Variants in NELL2 observed in about 807,000 individuals in gnomAD.
NELL2 encodes neural EGFL like 2.
NELL2 carries 41 observed loss-of-function variants against 109.6 expected under a neutral mutation model. The observed-to-expected ratio is 0.37, with a 90% CI of 0.29 to 0.49. The LOEUF (loss-of-function observed/expected upper bound fraction) is 0.49, where lower values mean the gene tolerates loss of function less well. NELL2 is among the 20% of genes least tolerant of loss of function. NELL2 has a pLI of 0.98. For synonymous variants in NELL2, 355 were observed against 344.7 expected (o/e 1.03, Z -0.33); for missense variants, 900 against 1,008.3 (o/e 0.89, Z 1.45).
Position 44,717,460 on chromosome 12 carries a change from C to A in NELL2, c.995-2719G>T, listed in dbSNP as rs1362409749. ...TTAGTAGGGCAGACAGACTCATACACAACTAACTCTAAGAGAAGTCAAACT... is the reference window on the plus strand; with the variant it reads ...TTAGTAGGGCAGACAGACTCATACAAAACTAACTCTAAGAGAAGTCAAACT... On this transcript the variant is annotated intron_variant, in intron 9 of 19. Transcript: ENST00000429094. Among the ~76,000 whole-genome samples the A allele has an allele frequency of 2.6e-5, 4 of 152,050 alleles. No individual in the cohort carries two copies. In the South Asian group the frequency reaches 8.3e-4, roughly 31 times the overall value.
chr12:44,758,635 A>G (rs764633526), intron 9 of NELL2, among the ~76,000 whole-genome samples: 1 of 152,198 alleles, frequency 6.6e-6, no homozygotes, highest in Non-Finnish European at 1.5e-5. Flanking sequence ...AGTGATGAAG[A>G]TACAGAGATA....
At chr12:44,654,739 TG>T (rs1205703404) in intron 13 of NELL2, among the ~76,000 whole-genome samples, 1 of 152,060 alleles carries the variant, frequency 6.6e-6, no homozygotes, top group Non-Finnish European at 1.5e-5. Context: ...TGACTTGTCA[TG>T]AATGTGACAC....
upstream of NELL2, among the ~76,000 whole-genome samples, chr12:44,878,040 A>C (rs1945368030): frequency 6.6e-6 from 1 of 152,246 alleles, no homozygotes; most frequent in Non-Finnish European, 1.5e-5. Context: ...TTAAAATGCT[A>C]TCATTAGAGA....
At chr12:44,564,899 T>C (rs1209405682) in intron 15 of NELL2, among the ~76,000 whole-genome samples, 2 of 152,192 alleles carry the variant, frequency 1.3e-5, no homozygotes, top group African/African-American at 2.4e-5. Flanking sequence ...CATGCACATT[T>C]GGAAGCTCCG....
chr12:44,906,756 C>A (rs541456452), intron 1 of NELL2, among the ~76,000 whole-genome samples: 1 of 152,030 alleles, frequency 6.6e-6, no homozygotes. Context: ...ACATATTAAC[C>A]TTGGGATGAC....
Position 44,860,700 on chromosome 12 carries a change from C to A in NELL2, c.184+14525G>T, listed in dbSNP as rs561564495. Among the ~76,000 whole-genome samples the A allele has an allele frequency of 9.4e-5, 5 of 53,100 alleles. 1 individual carries two copies. In the South Asian group the frequency reaches 3.3e-3, roughly 35 times the overall value. 34.8% of individuals were successfully genotyped at this position (53,100 alleles called of 152,430 possible). ...ACATTGGGCCCAGCTAGATAATCCA[C>A]AATAATCTTATTTTTAAGTCAGTCG... On this transcript the variant is annotated intron_variant, in intron 2 of 19. Transcript: ENST00000429094.
intron 9 of NELL2, among the ~76,000 whole-genome samples, chr12:44,769,421 A>T (rs1158443620): frequency 6.6e-6 from 1 of 152,116 alleles, no homozygotes; most frequent in East Asian, 1.9e-4. Context: ...TACCAACATC[A>T]TTTATCAGAA....
chr12:44,812,348 C>T (rs1436888455), intron 3 of NELL2, among the ~76,000 whole-genome samples: 1 of 152,076 alleles, frequency 6.6e-6, no homozygotes, highest in Non-Finnish European at 1.5e-5. Context: ...TCTGAAGTGA[C>T]CAGCTACCAT....
intron 15 of NELL2, among the ~76,000 whole-genome samples, chr12:44,570,007 T>C (rs1943805810): frequency 6.6e-6 from 1 of 152,212 alleles, no homozygotes; most frequent in Non-Finnish European, 1.5e-5. Context: ...ACAAGCCTCA[T>C]CTGAAAAGCA....
chr12:44,863,019 G>A (rs1458026096), intron 2 of NELL2, among the ~76,000 whole-genome samples: 2 of 152,076 alleles, frequency 1.3e-5, no homozygotes, highest in African/African-American at 4.8e-5. Flanking sequence ...AGGTATACAC[G>A]TGCCATGGTG....
chr12:44,765,427 C>T (rs1176639608), intron 9 of NELL2, among the ~76,000 whole-genome samples: 3 of 152,056 alleles, frequency 2.0e-5, no homozygotes, highest in African/African-American at 7.2e-5. Flanking sequence ...AATCCTAAAA[C>T]CCTGATATGG....
chr12:44,567,676 C>A (rs1021638940), intron 15 of NELL2, among the ~76,000 whole-genome samples: 1 of 152,044 alleles, frequency 6.6e-6, no homozygotes, highest in African/African-American at 2.4e-5. Context: ...TACTTTTGTC[C>A]TTAAGTTTTC....
intron 16 of NELL2, among the ~76,000 whole-genome samples, chr12:44,524,213 T>C (rs1037631202): frequency 6.6e-6 from 1 of 152,242 alleles, no homozygotes; most frequent in Non-Finnish European, 1.5e-5. Flanking sequence ...TGGCCTCACC[T>C]ATTTCATGGC....
At chr12:44,649,762 C>A (rs563818203) in intron 13 of NELL2, among the ~76,000 whole-genome samples, 5 of 152,156 alleles carry the variant, frequency 3.3e-5, no homozygotes, top group Admixed American at 3.3e-4. Context: ...TGACTACAAA[C>A]AAAGAAATCA....
intron 15 of NELL2, among the ~76,000 whole-genome samples, chr12:44,558,504 G>A (rs549380964): frequency 1.3e-5 from 2 of 152,310 alleles, no homozygotes; most frequent in Admixed American, 6.5e-5. Flanking sequence ...GCAGCCCAGG[G>A]AGGGCGAGCC....
intron 9 of NELL2, among the ~76,000 whole-genome samples, chr12:44,766,080 C>T (rs999331804): frequency 2.7e-5 from 4 of 149,526 alleles, no homozygotes; most frequent in African/African-American, 9.9e-5. Flanking sequence ...AGCAAGACTC[C>T]GTATCAGAAA....
chr12:44,866,581 AAAAC>A (rs975132558), intron 2 of NELL2, among the ~76,000 whole-genome samples: 9 of 152,144 alleles, frequency 5.9e-5, no homozygotes, highest in African/African-American at 9.7e-5. Context: ...TACAAAAAGA[AAAAC>A]AAAATAAGAC....
At chr12:44,839,815 C>A (rs1944167612) in intron 2 of NELL2, among the ~76,000 whole-genome samples, 1 of 152,144 alleles carries the variant, frequency 6.6e-6, no homozygotes, top group African/African-American at 2.4e-5. Flanking sequence ...CATCTGGGAA[C>A]ACAGCTTTGG....
At chr12:44,897,932 G>T (rs1283808157) in intron 1 of NELL2, among the ~76,000 whole-genome samples, 1 of 152,206 alleles carries the variant, frequency 6.6e-6, no homozygotes, top group African/African-American at 2.4e-5. Context: ...GTGGTGTGGG[G>T]AGGGGCATCC....
Sources: gnomAD v4.1 joint callset for allele counts (sites outside exome capture counted in the v4.1 genomes callset) on GRCh38, gnomAD v4.1.1 for gene constraint, MANE v1.5 for transcripts, NCBI Gene and HGNC (gene_info 2026-07-23, HGNC 2026-07-21) for gene names.